Variants in MINDY3 observed in about 807,000 individuals in gnomAD.
MINDY3 encodes MINDY lysine 48 deubiquitinase 3.
MINDY3 carries 38 observed loss-of-function variants against 69.2 expected under a neutral mutation model. The ratio of observed to expected loss-of-function variants is 0.55; its 90% CI spans 0.42 to 0.72. The LOEUF is 0.72. Among genes scored for constraint, MINDY3 ranks in the 30% least tolerant of loss-of-function variants. The pLI, the probability that MINDY3 is intolerant of heterozygous loss-of-function variation, is 0.00. For missense variants in MINDY3, 522 were observed against 519.0 expected (o/e 1.01, Z -0.06); for synonymous variants, 192 against 180.1 (o/e 1.07, Z -0.53).
intron 2 of MINDY3, among the ~76,000 whole-genome samples, chr10:15,844,234 ACATAGG>A (rs1833677456): frequency 6.6e-6 from 1 of 152,204 alleles, no homozygotes; most frequent in Non-Finnish European, 1.5e-5. Context: ...TATTCCATTT[ACATAGG>A]CATAAAGTCT....
intron 10 of MINDY3, among the ~76,000 whole-genome samples, chr10:15,814,535 A>G (rs2131968879): frequency 6.6e-6 from 1 of 151,488 alleles, no homozygotes; most frequent in East Asian, 1.9e-4. Context: ...AGTAACAATT[A>G]GTATAAAATT....
intron 11 of MINDY3, among the ~76,000 whole-genome samples, chr10:15,793,469 T>G (rs1019646384): frequency 2.6e-5 from 4 of 152,130 alleles, no homozygotes; most frequent in African/African-American, 9.6e-5. Context: ...GCTCCTAAGA[T>G]CCTCAAGATT....
Position 15,786,547 on chromosome 10 carries a change from C to G in MINDY3, c.1116+14G>C, listed in dbSNP as rs1289948833. 1.4e-6 allele frequency: 2 copies of G among 1,416,542 alleles called. No individual in the cohort carries two copies. Among genetic ancestry groups the G allele is most frequent in the Non-Finnish European group, 2.0e-6 (2 of 1,009,474 alleles). 87.7% of individuals were successfully genotyped at this position (1,416,542 alleles called of 1,614,324 possible). The stretch of plus-strand genomic sequence containing the variant: ...AACAGAATAACAATGAATATATTTC[C>G]TCAACTATGTTACCTGATCAGGAAA... On this transcript the variant is annotated intron_variant, in intron 13 of 14. Transcript: ENST00000277632.
At chr10:15,852,938 A>G (rs562820533) in intron 1 of MINDY3, among the ~76,000 whole-genome samples, 3 of 152,286 alleles carry the variant, frequency 2.0e-5, no homozygotes, top group African/African-American at 4.8e-5. Flanking sequence ...CTATTTGCAT[A>G]GCATTTACAG....
At chr10:15,838,503 G>T (rs946930688) in intron 4 of MINDY3, among the ~76,000 whole-genome samples, 3 of 151,722 alleles carry the variant, frequency 2.0e-5, no homozygotes, top group Non-Finnish European at 3.0e-5. Flanking sequence ...ATAGAAGGGT[G>T]ATTAAATAAC....
At chr10:15,789,055 G>A (rs1220774012) in intron 12 of MINDY3, 192 bp downstream of exon 12, 3 of 418,496 alleles carry the variant, frequency 7.2e-6, no homozygotes, top group African/African-American at 6.0e-5. Context: ...GGTGGGAAAG[G>A]AAACTCAATT....
At chr10:15,781,590 T>C (rs1157051444) in intron 14 of MINDY3, among the ~76,000 whole-genome samples, 1 of 152,032 alleles carries the variant, frequency 6.6e-6, no homozygotes, top group Admixed American at 6.6e-5. Flanking sequence ...CTGCAAAGCA[T>C]CATGGGTAGG....
chr10:15,791,121 A>G (rs1564459033), intron 11 of MINDY3, among the ~76,000 whole-genome samples: 1 of 152,160 alleles, frequency 6.6e-6, no homozygotes, highest in Non-Finnish European at 1.5e-5. Context: ...GTAACTCTAC[A>G]TTTTGTACAT....
rs76291043 is a variant in MINDY3 at position 15,853,700 on chromosome 10, T to C, written c.95-5757A>G. ...AAAAGTTATCTCAAGGAAAAGTATA[T>C]GTGTAATTTTTTTAACTGCAAGCTG... On this transcript the variant is annotated intron_variant, in intron 1 of 14. Transcript: ENST00000277632. Among the ~76,000 whole-genome samples the C allele has an allele frequency of 3.3e-3, 503 of 152,076 alleles. 4 individuals carry two copies. Among genetic ancestry groups the C allele is most frequent in the African/African-American group, 0.012 (488 of 41,498 alleles).
chr10:15,809,916 G>T (rs1443727339), intron 10 of MINDY3, among the ~76,000 whole-genome samples: 4 of 152,084 alleles, frequency 2.6e-5, no homozygotes, highest in African/African-American at 9.7e-5. Context: ...AAACATGGTG[G>T]TTTAAATTTA....
intron 9 of MINDY3, among the ~76,000 whole-genome samples, chr10:15,819,627 T>C (rs1428864893): frequency 6.6e-6 from 1 of 152,202 alleles, no homozygotes; most frequent in Non-Finnish European, 1.5e-5. Flanking sequence ...CTGCTCCTAA[T>C]GGCTCCAGCT....
chr10:15,845,531 C>A (rs1445703362), intron 2 of MINDY3, among the ~76,000 whole-genome samples: 1 of 151,986 alleles, frequency 6.6e-6, no homozygotes, highest in African/African-American at 2.4e-5. Flanking sequence ...ACAGGGTCTC[C>A]CTCTATTGCC....
Position 15,815,917 on chromosome 10 carries a change from A to G in MINDY3, c.882+918T>C, listed in dbSNP as rs983811216. 9.2e-5 allele frequency among the ~76,000 whole-genome samples: 14 copies of G among 152,210 alleles called. 1 individual carries two copies. Among genetic ancestry groups the G allele is most frequent in the African/African-American group, 3.1e-4 (13 of 41,466 alleles). The stretch of plus-strand genomic sequence containing the variant: ...ACTCAATTGTGGAAAAACATGATAT[A>G]CAGATTATAGTTGAGATTTAAAAAT... On this transcript the variant is annotated intron_variant, in intron 10 of 14. Coordinates refer to ENST00000277632, the MANE Select transcript of MINDY3 (RefSeq NM_024948.4).
intron 9 of MINDY3, among the ~76,000 whole-genome samples, chr10:15,818,944 C>A (rs1839562951): frequency 6.6e-6 from 1 of 151,912 alleles, no homozygotes; most frequent in Non-Finnish European, 1.5e-5. Context: ...TATTAAAAAG[C>A]CCTGAATTGT....
At chr10:15,855,733 T>C (rs898237709) in intron 1 of MINDY3, among the ~76,000 whole-genome samples, 1 of 152,122 alleles carries the variant, frequency 6.6e-6, no homozygotes, top group Non-Finnish European at 1.5e-5. Flanking sequence ...AACAAGGCTA[T>C]AGAAAGACTT....
chr10:15,838,491 A>C (rs1419063343), intron 4 of MINDY3, among the ~76,000 whole-genome samples: 2 of 151,788 alleles, frequency 1.3e-5, no homozygotes, highest in African/African-American at 2.4e-5. Context: ...AATACTGAGA[A>C]TATAGAAGGG....
chr10:15,847,834 C>G, intron 2 of MINDY3, 30 bp downstream of exon 2: 1 of 1,541,920 alleles, frequency 6.5e-7, no homozygotes. Context: ...AAATGTCCCT[C>G]TAAGGAGTTG....
intron 9 of MINDY3, among the ~76,000 whole-genome samples, chr10:15,819,943 A>T (rs17137842): frequency 0.049 from 7,486 of 152,206 alleles, 303 homozygotes; most frequent in African/African-American, 0.11. Context: ...TAGAAAACCA[A>T]ACAATTCTGG....
intron 1 of MINDY3, among the ~76,000 whole-genome samples, chr10:15,851,372 T>C (rs1421565250): frequency 6.6e-6 from 1 of 152,154 alleles, no homozygotes; most frequent in Non-Finnish European, 1.5e-5. Context: ...CTGTATTATC[T>C]GGCTCCTGCC....
Sources: gnomAD v4.1 joint callset for allele counts (sites outside exome capture counted in the v4.1 genomes callset) on GRCh38, gnomAD v4.1.1 for gene constraint, MANE v1.5 for transcripts, NCBI Gene and HGNC (gene_info 2026-07-23, HGNC 2026-07-21) for gene names.